Variants in MKNK1 observed in about 807,000 individuals in gnomAD.
MKNK1 encodes MAP kinase-interacting serine/threonine-protein kinase 1.
MKNK1 carries 30 observed loss-of-function variants against 49.3 expected under a neutral mutation model. That is an observed-to-expected ratio of 0.61 (90% CI 0.46 to 0.83). MKNK1 has a LOEUF of 0.83. Ranked by LOEUF, MKNK1 falls within the 40% of genes least tolerant of loss-of-function variation. The pLI, the probability that MKNK1 is intolerant of heterozygous loss-of-function variation, is 0.00. For synonymous variants in MKNK1, 176 were observed against 201.7 expected, an observed-to-expected ratio of 0.87 and a Z score of 1.08; for missense variants, 423 against 524.7, an observed-to-expected ratio of 0.81 and a Z score of 1.89.
intron 2 of MKNK1, among the ~76,000 whole-genome samples, chr1:46,590,868 A>G (rs1166009313): frequency 1.3e-5 from 2 of 152,214 alleles, no homozygotes; most frequent in African/African-American, 4.8e-5. Flanking sequence ...GCTTCTGGAA[A>G]TATGAAGGCA....
chr1:46,578,684 T>G (rs1671327802), intron 4 of MKNK1, among the ~76,000 whole-genome samples: 1 of 151,384 alleles, frequency 6.6e-6, no homozygotes, highest in South Asian at 2.1e-4. Flanking sequence ...CCTCCTGGGC[T>G]CAAGTGATCC....
At chr1:46,588,076 A>C (rs1672834453) in intron 2 of MKNK1, among the ~76,000 whole-genome samples, 2 of 152,256 alleles carry the variant, frequency 1.3e-5, no homozygotes, top group South Asian at 4.1e-4. Context: ...AAAGAAGCTC[A>C]GAGCAGGCAG....
intron 12 of MKNK1, among the ~76,000 whole-genome samples, chr1:46,559,128 C>G (rs1667479110): frequency 6.6e-6 from 1 of 152,216 alleles, no homozygotes; most frequent in Admixed American, 6.5e-5. Flanking sequence ...ACACACCTGT[C>G]CCTCCCTCTC....
chr1:46,579,742 T>G (rs568870484), intron 4 of MKNK1, among the ~76,000 whole-genome samples: 1 of 152,236 alleles, frequency 6.6e-6, no homozygotes, highest in Non-Finnish European at 1.5e-5. Context: ...TCTTCTTCCA[T>G]GTGGAGAGGG....
chr1:46,574,901 C>A (rs779156734), intron 6 of MKNK1, 46 bp downstream of exon 6: 9 of 1,279,994 alleles, frequency 7.0e-6, no homozygotes, highest in Non-Finnish European at 1.0e-5. Flanking sequence ...TGATCACCAC[C>A]CTGGGTCTTA....
intron 7 of MKNK1, chr1:46,569,755 G>A (rs1669759783): frequency 6.6e-6 from 1 of 152,244 alleles, no homozygotes; most frequent in South Asian, 2.1e-4. Flanking sequence ...TGCACAAATT[G>A]AGTAGCACTG....
chr1:46,582,887 G>A, intron 3 of MKNK1: 1 of 501,256 alleles, frequency 2.0e-6, no homozygotes, highest in Non-Finnish European at 3.9e-6. Flanking sequence ...CTATCTCTCA[G>A]CAGCCCCTCC....
chr1:46,565,179 T>C, intron 8 of MKNK1, 43 bp from the exon 9 acceptor site: 1 of 1,583,520 alleles, frequency 6.3e-7, no homozygotes, highest in Non-Finnish European at 8.7e-7. Flanking sequence ...TATAAGAAAC[T>C]ACGGGGCAAG....
At position 46,561,551 on chromosome 1, in the gene MKNK1, G is replaced by C. The variant is rs1485596724; in HGVS notation, c.896C>G (p.Ser299Cys). The change falls in exon 11 of 13, where the codon TCC becomes TGC. Residue 299 changes from serine (S) to cysteine (C), a missense_variant. Transcript: ENST00000371945. ...HISSEAKDLI[S>C]KLLVRDAKQR... is the part of the protein sequence containing the mutation. ...CTTTGCATCTCGCACCAGGAGCTTG[G>C]AGATGAGGTCTTTGGCTTCACTGGA... 6.2e-7 allele frequency: 1 copy of C among 1,614,096 alleles called. No individual in the cohort carries two copies. Among genetic ancestry groups the C allele is most frequent in the Non-Finnish European group, 8.5e-7 (1 of 1,180,034 alleles).
At chr1:46,562,558 G>T in intron 10 of MKNK1, 91 bp downstream of exon 10, 2 of 1,400,978 alleles carry the variant, frequency 1.4e-6, no homozygotes, top group East Asian at 2.6e-5. Context: ...TCCCGATCAG[G>T]AACGCTCTCC....
At chr1:46,580,153 T>C (rs928754437) in intron 4 of MKNK1, among the ~76,000 whole-genome samples, 4 of 152,216 alleles carry the variant, frequency 2.6e-5, no homozygotes, top group East Asian at 1.9e-4. Context: ...TTTGTCAAAA[T>C]AGATATTCAG....
chr1:46,594,415 G>A (rs181665553), intron 1 of MKNK1, 135 bp from the exon 2 acceptor site: 2 of 474,580 alleles, frequency 4.2e-6, no homozygotes, highest in Non-Finnish European at 3.9e-6. Context: ...AGCAATCACA[G>A]GTTTCCCATC....
intron 9 of MKNK1, among the ~76,000 whole-genome samples, chr1:46,564,466 G>GTTTT (rs568296534): frequency 0.028 from 1,968 of 70,076 alleles, 473 homozygotes; most frequent in African/African-American, 0.083. Context: ...TTTTTTTATT[G>GTTTT]TTTTTTTTTT....
chr1:46,587,685 T>G (rs1209771472), intron 2 of MKNK1, among the ~76,000 whole-genome samples: 2 of 151,982 alleles, frequency 1.3e-5, no homozygotes, highest in Non-Finnish European at 2.9e-5. Context: ...GGCATGGTGG[T>G]GCATGCCTGT....
chr1:46,572,318 T>G (rs1487229276), intron 6 of MKNK1, 151 bp from the exon 7 acceptor site: 1 of 550,584 alleles, frequency 1.8e-6, no homozygotes. Context: ...GTTCAAGCGA[T>G]TCTCCTGTCT....
chr1:46,580,691 A>G, intron 3 of MKNK1, 64 bp from the exon 4 acceptor site: 1 of 1,202,592 alleles, frequency 8.3e-7, no homozygotes, highest in Admixed American at 1.7e-5. Flanking sequence ...TCAGATGGGA[A>G]GAACTTTTGT....
At chr1:46,582,461 C>T (rs1478908441) in intron 3 of MKNK1, among the ~76,000 whole-genome samples, 2 of 152,196 alleles carry the variant, frequency 1.3e-5, no homozygotes, top group African/African-American at 4.8e-5. Flanking sequence ...ATTGGAACCA[C>T]TTTACAGAAC....
At position 46,588,441 on chromosome 1, in the gene MKNK1, G is replaced by A. The variant is rs185858325; in HGVS notation, c.-2-5112C>T. Among the ~76,000 whole-genome samples the A allele has an allele frequency of 5.0e-3, 769 of 152,302 alleles. 3 individuals are homozygous for A. Among genetic ancestry groups the A allele is most frequent in the Non-Finnish European group, 7.8e-3 (534 of 68,034 alleles). On this transcript the variant is annotated intron_variant, in intron 2 of 12. Coordinates refer to ENST00000371945, the MANE Select transcript of MKNK1 (RefSeq NM_001135553.4). ...TTCAGTGATGAAAGAAACATTTTAG[G>A]AATATTGGTGCCATGAAGATACTAA...
intron 4 of MKNK1, among the ~76,000 whole-genome samples, chr1:46,580,271 C>G (rs1671538369): frequency 6.6e-6 from 1 of 152,108 alleles, no homozygotes; most frequent in Non-Finnish European, 1.5e-5. Flanking sequence ...AGCACTTTAC[C>G]TATATTAACT....
Sources: allele counts gnomAD v4.1 joint callset (sites outside exome capture counted in the v4.1 genomes callset), GRCh38; gene constraint gnomAD v4.1.1; transcripts MANE v1.5; gene names NCBI Gene and HGNC (gene_info 2026-07-23, HGNC 2026-07-21).